The following PLPPR5 variants were observed in gnomAD, a reference collection of about 807,000 sequenced individuals.
The protein encoded by PLPPR5 is phospholipid phosphatase related 5.
PLPPR5 carries 16 observed loss-of-function variants against 33.9 expected under a neutral mutation model. The ratio of observed to expected loss-of-function variants is 0.47; its 90% CI spans 0.32 to 0.72. The LOEUF is 0.72. Ranked by LOEUF, PLPPR5 falls within the 30% of genes least tolerant of loss-of-function variation. PLPPR5 has a pLI of 0.03. For synonymous variants in PLPPR5, 163 were observed against 150.3 expected (o/e 1.08, Z -0.62); for missense variants, 301 against 406.7 (o/e 0.74, Z 2.23).
At chr1:98,902,200 G>A (rs921559179) in intron 5 of PLPPR5, among the ~76,000 whole-genome samples, 1 of 151,960 alleles carries the variant, frequency 6.6e-6, no homozygotes, top group Non-Finnish European at 1.5e-5. Flanking sequence ...AGCTATAATT[G>A]AAGATTAGCT....
chr1:98,908,613 G>C (rs1200414480), intron 5 of PLPPR5, among the ~76,000 whole-genome samples: 1 of 152,164 alleles, frequency 6.6e-6, no homozygotes, highest in East Asian at 1.9e-4. Context: ...TGTGACCCAT[G>C]AGGAGATTTG....
At chr1:98,928,548 C>CATATATATATAGATATATAT (rs1649846407) in intron 3 of PLPPR5, among the ~76,000 whole-genome samples, 1 of 73,880 alleles carries the variant, frequency 1.4e-5, no homozygotes, top group Non-Finnish European at 2.9e-5. Context: ...AGTTTTAAAT[C>CATATATATATAGATATATAT]ATATATATAT....
intron 3 of PLPPR5, among the ~76,000 whole-genome samples, chr1:98,938,105 A>G (rs1650238487): frequency 6.6e-6 from 1 of 152,066 alleles, no homozygotes; most frequent in Non-Finnish European, 1.5e-5. Flanking sequence ...TAGTGTCTCC[A>G]GCCCCTGTGG....
At chr1:98,977,690 T>C (rs966488050) in intron 1 of PLPPR5, among the ~76,000 whole-genome samples, 1 of 151,490 alleles carries the variant, frequency 6.6e-6, no homozygotes, top group Non-Finnish European at 1.5e-5. Context: ...TTCTTCCTGG[T>C]ATGTTTTTAT....
intron 1 of PLPPR5, among the ~76,000 whole-genome samples, chr1:98,984,769 T>G (rs1362521658): frequency 6.6e-6 from 1 of 151,974 alleles, no homozygotes; most frequent in Non-Finnish European, 1.5e-5. Flanking sequence ...GGTTAGGACC[T>G]CAGGTAGAGC....
At chr1:98,903,975 T>C (rs1443159021) in intron 5 of PLPPR5, among the ~76,000 whole-genome samples, 1 of 152,204 alleles carries the variant, frequency 6.6e-6, no homozygotes, top group Non-Finnish European at 1.5e-5. Context: ...TTCAATTCCT[T>C]GGGTCACCAT....
chr1:98,957,054 G>A (rs1651036219), intron 1 of PLPPR5, among the ~76,000 whole-genome samples: 1 of 151,718 alleles, frequency 6.6e-6, no homozygotes, highest in Non-Finnish European at 1.5e-5. Flanking sequence ...GATGAAATTG[G>A]AAATCATCAT....
chr1:98,997,283 T>C (rs1436407546), intron 1 of PLPPR5, among the ~76,000 whole-genome samples: 1 of 152,176 alleles, frequency 6.6e-6, no homozygotes, highest in Admixed American at 6.6e-5. Context: ...TAAGTATTTG[T>C]GTCTGAACTT....
At chr1:98,952,551 G>GA (rs1288297803) in intron 3 of PLPPR5, among the ~76,000 whole-genome samples, 1 of 152,160 alleles carries the variant, frequency 6.6e-6, no homozygotes, top group Non-Finnish European at 1.5e-5. Context: ...AAGACTAAAG[G>GA]AAAAAATAGA....
intron 3 of PLPPR5, among the ~76,000 whole-genome samples, chr1:98,934,353 T>G (rs1017719563): frequency 1.3e-5 from 2 of 152,050 alleles, no homozygotes; most frequent in African/African-American, 4.8e-5. Flanking sequence ...TTATGGCAGA[T>G]AAGAAAAGAT....
intron 1 of PLPPR5, among the ~76,000 whole-genome samples, chr1:98,973,083 G>A (rs1651713733): frequency 6.6e-6 from 1 of 151,980 alleles, no homozygotes; most frequent in South Asian, 2.1e-4. Flanking sequence ...TTCAGATATT[G>A]AATTAGTCAT....
At chr1:98,952,884 TGA>T (rs1191649026) in intron 3 of PLPPR5, among the ~76,000 whole-genome samples, 184 bp downstream of exon 3, 2 of 152,184 alleles carry the variant, frequency 1.3e-5, no homozygotes, top group African/African-American at 4.8e-5. Context: ...CATAATCTCA[TGA>T]GAGTCAACTG....
chr1:98,912,190 A>G lies in PLPPR5; in HGVS notation c.933+2596T>C, dbSNP rs142410494. Among the ~76,000 whole-genome samples, 12 of 152,338 alleles carry G rather than the reference A, an allele frequency of 7.9e-5. No individual in the cohort carries two copies. The East Asian group carries it at 2.1e-3, about 27-fold the overall frequency. Reference sequence around the variant, plus strand: ...TGTGTCTCAAAACATTACATTGTATAATTTTTCTCAGCTGCTTATCAATGA... The same window carrying G: ...TGTGTCTCAAAACATTACATTGTATGATTTTTCTCAGCTGCTTATCAATGA... On this transcript the variant is annotated intron_variant, in intron 5 of 5. Coordinates refer to ENST00000263177, the MANE Select transcript of PLPPR5 (RefSeq NM_001037317.2).
chr1:98,922,336 A>G (rs72730323), intron 3 of PLPPR5, among the ~76,000 whole-genome samples: 26,428 of 152,174 alleles, frequency 0.17, 2,553 homozygotes, highest in Non-Finnish European at 0.22. Flanking sequence ...AAGCACAGAT[A>G]GTCCAACTGT....
At chr1:98,937,024 G>T (rs567943339) in intron 3 of PLPPR5, among the ~76,000 whole-genome samples, 1 of 152,170 alleles carries the variant, frequency 6.6e-6, no homozygotes, top group Non-Finnish European at 1.5e-5. Context: ...CATGAGGTAG[G>T]AATACACACA....
chr1:98,914,710 T>C, intron 5 of PLPPR5, 76 bp downstream of exon 5: 2 of 1,315,712 alleles, frequency 1.5e-6, no homozygotes, highest in Non-Finnish European at 2.1e-6. Flanking sequence ...TGTGTGGACA[T>C]GCTCCAGATA....
chr1:98,991,759 T>G (rs1458787604), intron 1 of PLPPR5, among the ~76,000 whole-genome samples: 1 of 152,188 alleles, frequency 6.6e-6, no homozygotes, highest in East Asian at 1.9e-4. Context: ...AGACTTGATT[T>G]TTACATAGAA....
chr1:98,979,731 C>T (rs1178073850), intron 1 of PLPPR5, among the ~76,000 whole-genome samples: 1 of 152,052 alleles, frequency 6.6e-6, no homozygotes, highest in Admixed American at 6.6e-5. Flanking sequence ...CAACCCAGAT[C>T]GTGTGCCTGG....
rs992791781 is a variant in PLPPR5, at chr1:98,909,037, T to C, written c.933+5749A>G. ...GTCATAAAATTATTCAGGAATAATA[T>C]AGTATTTCATTGTAGAAAGAAGGAA... On this transcript the variant is annotated intron_variant, in intron 5 of 5. Transcript: ENST00000263177. Among the ~76,000 whole-genome samples the C allele has an allele frequency of 6.6e-5, 10 of 151,510 alleles. No homozygotes were observed. In the East Asian group the frequency reaches 1.6e-3, roughly 24 times the overall value.
Sources: allele counts gnomAD v4.1 joint callset (sites outside exome capture counted in the v4.1 genomes callset), GRCh38; gene constraint gnomAD v4.1.1; transcripts MANE v1.5; gene names NCBI Gene and HGNC (gene_info 2026-07-23, HGNC 2026-07-21).